The following PARN variants were observed in gnomAD, a reference collection of about 807,000 sequenced individuals.
PARN encodes poly(A)-specific ribonuclease PARN.
Under a neutral mutation model 102.8 loss-of-function variants are expected in PARN, and 71 were observed. That is an observed-to-expected ratio of 0.69 (90% CI 0.57 to 0.84). The LOEUF (loss-of-function observed/expected upper bound fraction) is 0.84, where lower values mean the gene tolerates loss of function less well. Ranked by LOEUF, PARN falls within the 40% of genes least tolerant of loss-of-function variation. The probability of loss-of-function intolerance (pLI) is 0.00; values close to 1 mark genes in which losing one functional copy is unlikely to be tolerated. For synonymous variants in PARN, 261 were observed against 252.9 expected (o/e 1.03, Z -0.30); for missense variants, 782 against 760.9 (o/e 1.03, Z -0.33).
At position 14,582,221 on chromosome 16, in the gene PARN, G is replaced by A. The variant is rs781722636; in HGVS notation, c.1152C>T (p.Tyr384=). ...TGGAGATGAAGCACAGCCCTGTGAT[G>A]TAGGCATCGTAGCCTGCCTCGTGGA... is the stretch of plus-strand genomic sequence containing the variant. The part of the protein sequence containing the change: ...EQLHEAGYDA[Y]ITGLCFISMA... Residue 384 remains tyrosine (Y), a synonymous_variant, in exon 17 of 24, where the codon TAC becomes TAT. Transcript: ENST00000437198. The A allele has an allele frequency of 9.9e-6, 16 of 1,612,990 alleles. No homozygotes were observed. The East Asian group carries it at 3.3e-4, about 34-fold the overall frequency.
intron 18 of PARN, chr16:14,565,086 C>T (rs1968350825): frequency 6.6e-6 from 1 of 152,180 alleles, no homozygotes; most frequent in African/African-American, 2.4e-5. Context: ...AAAAGCACTT[C>T]ATAAGAACCC....
At chr16:14,481,272 A>G (rs1279835269) in intron 22 of PARN, among the ~76,000 whole-genome samples, 1 of 152,242 alleles carries the variant, frequency 6.6e-6, no homozygotes, top group Non-Finnish European at 1.5e-5. Flanking sequence ...TAAATGCTGC[A>G]TATTTACATA....
chr16:14,610,606 G>C (rs1354721577), intron 7 of PARN, 38 bp downstream of exon 7: 3 of 1,326,226 alleles, frequency 2.3e-6, no homozygotes, highest in Non-Finnish European at 3.3e-6. Flanking sequence ...CCAATATATA[G>C]CACACAATGC....
At position 14,593,297 on chromosome 16, in the gene PARN, T is replaced by A; in HGVS notation, c.918+4A>T. The A allele has an allele frequency of 6.6e-7, 1 of 1,521,252 alleles. No individual in the cohort carries two copies. The highest frequency in any genetic ancestry group is 9.1e-7 in the Non-Finnish European group (1 of 1,095,800). 94.2% of individuals were successfully genotyped at this position (1,521,252 alleles called of 1,614,324 possible). Reference sequence around the variant, plus strand: ...TATTAAACACAGACCAACAGGTCACTTACCGCAGGCAGAGGGCAGTAGAAC... The same window carrying A: ...TATTAAACACAGACCAACAGGTCACATACCGCAGGCAGAGGGCAGTAGAAC... On this transcript the variant is annotated splice_donor_region_variant and intron_variant, in intron 13 of 23. Coordinates refer to ENST00000437198, the MANE Select transcript of PARN (RefSeq NM_002582.4).
At chr16:14,453,120 C>T (rs1961535559) in intron 22 of PARN, among the ~76,000 whole-genome samples, 1 of 152,144 alleles carries the variant, frequency 6.6e-6, no homozygotes, top group African/African-American at 2.4e-5. Flanking sequence ...TTATAATGTA[C>T]AAAGTGAGCT....
chr16:14,478,935 C>T lies in PARN; in HGVS notation c.1670+3703G>A, dbSNP rs188351145. 2.3e-3 allele frequency among the ~76,000 whole-genome samples: 354 copies of T among 152,252 alleles called. 1 individual carries two copies. Among genetic ancestry groups the T allele is most frequent in the Non-Finnish European group, 2.8e-3 (191 of 68,018 alleles). On this transcript the variant is annotated intron_variant, in intron 22 of 23. Transcript: ENST00000437198. ...GTAGGCTTATAGGCACCTGCCACCA[C>T]GGCCAGCTAATTCTCATATTTTAAG...
intron 12 of PARN, 32 bp from the exon 13 acceptor site, chr16:14,593,410 C>T: frequency 2.0e-6 from 2 of 995,726 alleles, no homozygotes; most frequent in Non-Finnish European, 3.0e-6. Context: ...AAAAAGACTT[C>T]TACATTCGAA....
chr16:14,479,360 G>T (rs1963255020), intron 22 of PARN, among the ~76,000 whole-genome samples: 1 of 151,928 alleles, frequency 6.6e-6, no homozygotes, highest in South Asian at 2.1e-4. Flanking sequence ...GGTCAAGGCT[G>T]CAGTGAGCTG....
At chr16:14,587,517 C>T (rs774046655) in intron 13 of PARN, among the ~76,000 whole-genome samples, 1 of 152,160 alleles carries the variant, frequency 6.6e-6, no homozygotes, top group Non-Finnish European at 1.5e-5. Flanking sequence ...ACCTTTTTAT[C>T]AAGTCAGGGT....
intron 21 of PARN, among the ~76,000 whole-genome samples, chr16:14,517,329 C>T (rs1427121028): frequency 6.6e-6 from 1 of 152,200 alleles, no homozygotes; most frequent in Non-Finnish European, 1.5e-5. Flanking sequence ...CCTTTGGTCA[C>T]CATGTGGACA....
intron 21 of PARN, among the ~76,000 whole-genome samples, chr16:14,527,346 T>C (rs193067553): frequency 3.4e-3 from 512 of 152,344 alleles, no homozygotes; most frequent in Middle Eastern, 6.8e-3. Context: ...AACCCTTCTC[T>C]ATCTATAAAA....
At position 14,552,087 on chromosome 16, in the gene PARN, G is replaced by T. The variant is rs751946182; in HGVS notation, c.1414C>A (p.Gln472Lys). 5 of 1,604,674 alleles carry T rather than the reference G, an allele frequency of 3.1e-6. No individual in the cohort carries two copies. The South Asian group carries it at 5.5e-5, about 18-fold the overall frequency. Residue 472 changes from glutamine (Q) to lysine (K), a missense_variant, in exon 21 of 24, where the codon CAG becomes AAG. By Grantham distance (53) the Gln-to-Lys change is moderately conservative. Transcript: ENST00000437198. ...GATGTGTCATCAATCCAGGATATCT[G>T]AATGTTACCTGCAATCGCAAATTAA... is the stretch of plus-strand genomic sequence containing the variant. ...YQLFSAFGNI[Q>K]ISWIDDTSAF...
intron 23 of PARN, 131 bp from the exon 24 acceptor site, chr16:14,436,903 T>C: frequency 1.5e-6 from 1 of 680,304 alleles, no homozygotes; most frequent in South Asian, 1.8e-5. Flanking sequence ...GCTAAACAGC[T>C]GCGCTGGAAA....
At position 14,435,892 on chromosome 16, in the gene PARN, G is replaced by A. The variant is rs1486046660; in HGVS notation, c.*825C>T. ...GCTGGGACATGTTGTAGATTTGCAC[G>A]ATTTCACACACACACACACACACAC... On this transcript the variant is annotated 3_prime_UTR_variant, in exon 24 of 24. Coordinates refer to ENST00000437198, the MANE Select transcript of PARN (RefSeq NM_002582.4). The A allele has an allele frequency of 8.0e-6, 1 of 124,360 alleles. No homozygotes were observed. The highest frequency in any genetic ancestry group is 8.5e-5 in the Admixed American group (1 of 11,832). The allele number at this position is 124,360 out of a possible 1,614,324, so 7.7% of individuals were successfully genotyped here.
intron 12 of PARN, among the ~76,000 whole-genome samples, chr16:14,597,036 C>G (rs1970562203): frequency 6.6e-6 from 1 of 152,172 alleles, no homozygotes; most frequent in African/African-American, 2.4e-5. Flanking sequence ...ATCCGCCCCC[C>G]TTGGCCTCCC....
chr16:14,445,294 A>C (rs1961147283), intron 23 of PARN, among the ~76,000 whole-genome samples: 2 of 152,198 alleles, frequency 1.3e-5, no homozygotes, highest in Non-Finnish European at 1.5e-5. Flanking sequence ...CATTTTTGCT[A>C]CTTGTCTGAT....
At chr16:14,615,247 C>T (rs1392625129) in intron 6 of PARN, among the ~76,000 whole-genome samples, 3 of 150,348 alleles carry the variant, frequency 2.0e-5, no homozygotes, top group Non-Finnish European at 4.4e-5. Context: ...CAGGGCATGA[C>T]TATAAAACAG....
intron 18 of PARN, among the ~76,000 whole-genome samples, chr16:14,560,286 C>A (rs762972169): frequency 6.6e-6 from 1 of 152,152 alleles, no homozygotes; most frequent in Admixed American, 6.5e-5. Flanking sequence ...CTGCAGATAT[C>A]AAAAAGACAC....
intron 18 of PARN, among the ~76,000 whole-genome samples, chr16:14,576,955 T>C (rs974832423): frequency 1.1e-4 from 16 of 152,230 alleles, no homozygotes; most frequent in South Asian, 4.1e-4. Context: ...TCCTCAATAG[T>C]TGACTTGATA....
Sources: gnomAD v4.1 joint callset for allele counts (sites outside exome capture counted in the v4.1 genomes callset) on GRCh38, gnomAD v4.1.1 for gene constraint, MANE v1.5 for transcripts, NCBI Gene and HGNC (gene_info 2026-07-23, HGNC 2026-07-21) for gene names.